The following MCPH1 variants were observed in gnomAD, a reference collection of about 807,000 sequenced individuals.
MCPH1 encodes microcephalin.
Under a neutral mutation model 84.5 loss-of-function variants are expected in MCPH1, and 104 were observed. That is an observed-to-expected ratio of 1.23 (90% CI 1.05 to 1.45). MCPH1 has a LOEUF of 1.45. Ranked by LOEUF, MCPH1 falls within the 40% of genes most tolerant of loss-of-function variation. MCPH1 has a pLI of 0.00. For missense variants in MCPH1, 1,498 were observed against 1,005.7 expected (o/e 1.49, Z -6.62); for synonymous variants, 514 against 366.8 (o/e 1.40, Z -4.58).
chr8:6,610,538 G>T (rs944517108), intron 12 of MCPH1, among the ~76,000 whole-genome samples: 6 of 152,234 alleles, frequency 3.9e-5, no homozygotes, highest in Admixed American at 2.6e-4. Flanking sequence ...TTTCCTTTCT[G>T]CAGTGACAAA....
chr8:6,605,681 A>T (rs568505902), intron 12 of MCPH1, among the ~76,000 whole-genome samples: 1 of 150,012 alleles, frequency 6.7e-6, no homozygotes. Context: ...AGTTCTGTGA[A>T]TCACAGACAT....
At chr8:6,604,720 G>T (rs1157398862) in intron 12 of MCPH1, among the ~76,000 whole-genome samples, 1 of 152,230 alleles carries the variant, frequency 6.6e-6, no homozygotes, top group Admixed American at 6.5e-5. Flanking sequence ...GGCCAGACTG[G>T]TCTCGAATTC....
intron 12 of MCPH1, among the ~76,000 whole-genome samples, chr8:6,555,663 G>C (rs555375213): frequency 6.6e-6 from 1 of 151,870 alleles, no homozygotes; most frequent in African/African-American, 2.4e-5. Flanking sequence ...GGGTTTCATC[G>C]TGTTGGCCAG....
chr8:6,425,972 T>A (rs1302295946), intron 3 of MCPH1, among the ~76,000 whole-genome samples: 1 of 152,196 alleles, frequency 6.6e-6, no homozygotes, highest in Non-Finnish European at 1.5e-5. Context: ...ATAATAGTGG[T>A]AAATCGGTGA....
In MCPH1 at chr8:6,424,123, G is replaced by A. The variant is rs147535960; in HGVS notation, c.234-7376G>A. 1.5e-3 allele frequency among the ~76,000 whole-genome samples: 222 copies of A among 152,106 alleles called. 2 individuals carry two copies. Among genetic ancestry groups the A allele is most frequent in the African/African-American group, 5.1e-3 (210 of 41,480 alleles). On this transcript the variant is annotated intron_variant, in intron 3 of 13. Transcript: ENST00000344683. Reference sequence around the variant, plus strand: ...ATCCCATTCTGTTGGGTTCCTTCTGGGAGTGTTCATTTTAAGATCAGATGG... The same window carrying A: ...ATCCCATTCTGTTGGGTTCCTTCTGAGAGTGTTCATTTTAAGATCAGATGG...
intron 9 of MCPH1, among the ~76,000 whole-genome samples, chr8:6,469,691 A>G (rs1807459288): frequency 6.6e-6 from 1 of 152,246 alleles, no homozygotes; most frequent in South Asian, 2.1e-4. Flanking sequence ...AAAGATTTCA[A>G]AGAATGTTTT....
intron 8 of MCPH1, among the ~76,000 whole-genome samples, chr8:6,451,438 T>G (rs566874842): frequency 6.4e-4 from 97 of 152,366 alleles, no homozygotes; most frequent in Admixed American, 3.9e-4. Flanking sequence ...CAAGATACTT[T>G]ACACACAAGT....
intron 2 of MCPH1, among the ~76,000 whole-genome samples, chr8:6,412,318 C>G (rs1270751559): frequency 6.6e-6 from 1 of 152,226 alleles, no homozygotes; most frequent in Non-Finnish European, 1.5e-5. Flanking sequence ...AGCCGTTAGA[C>G]AAGTGAGTTG....
chr8:6,619,209 A>G (rs564729549), intron 12 of MCPH1: 1 of 152,414 alleles, frequency 6.6e-6, no homozygotes, highest in Admixed American at 6.5e-5. Flanking sequence ...TGTTCTGCCA[A>G]TAAAGAAGAC....
chr8:6,621,338 G>A, intron 12 of MCPH1, 116 bp from the exon 13 acceptor site: 1 of 1,278,618 alleles, frequency 7.8e-7, no homozygotes, highest in South Asian at 1.2e-5. Context: ...GAGCATGGCA[G>A]CCTTACATTC....
intron 12 of MCPH1, among the ~76,000 whole-genome samples, chr8:6,567,883 G>C (rs1406604374): frequency 6.6e-6 from 1 of 152,180 alleles, no homozygotes; most frequent in Admixed American, 6.5e-5. Flanking sequence ...CATTATTACA[G>C]GTTCCCAAAA....
intron 9 of MCPH1, among the ~76,000 whole-genome samples, chr8:6,466,452 C>T (rs527313493): frequency 3.9e-5 from 6 of 152,198 alleles, no homozygotes; most frequent in African/African-American, 9.6e-5. Context: ...GGAGTACAGG[C>T]GCGTGCCACC....
chr8:6,595,426 T>TAAAAGA (rs1227660697), intron 12 of MCPH1, among the ~76,000 whole-genome samples: 1 of 152,152 alleles, frequency 6.6e-6, no homozygotes, highest in Non-Finnish European at 1.5e-5. Flanking sequence ...ATCAGGAAGT[T>TAAAAGA]GGCCAAGTAG....
At chr8:6,500,114 ACCATTGTGC>A in intron 12 of MCPH1, 185 bp downstream of exon 12, 4 of 611,640 alleles carry the variant, frequency 6.5e-6, no homozygotes, top group Admixed American at 5.1e-5. Context: ...AGAACGTGAG[ACCATTGTGC>A]AAAAAGTAGT....
At chr8:6,620,051 T>A (rs1831248983) in intron 12 of MCPH1, 1 of 152,192 alleles carries the variant, frequency 6.6e-6, no homozygotes, top group South Asian at 2.1e-4. Flanking sequence ...TTGCCTTGCA[T>A]CAGCTCAGTC....
intron 9 of MCPH1, among the ~76,000 whole-genome samples, chr8:6,466,599 G>A (rs1218879099): frequency 2.6e-5 from 4 of 152,096 alleles, no homozygotes; most frequent in African/African-American, 9.7e-5. Context: ...GAGCCACCAC[G>A]CGCAGCCCTT....
At chr8:6,535,588 AT>A (rs1458643931) in intron 12 of MCPH1, among the ~76,000 whole-genome samples, 11 of 152,226 alleles carry the variant, frequency 7.2e-5, no homozygotes, top group African/African-American at 2.7e-4. Flanking sequence ...TATATAGCAT[AT>A]ATGTATATAG....
chr8:6,429,199 T>C (rs1468702021), intron 3 of MCPH1, among the ~76,000 whole-genome samples: 1 of 152,192 alleles, frequency 6.6e-6, no homozygotes, highest in Non-Finnish European at 1.5e-5. Context: ...GAACCATGAA[T>C]ATATTTCCTT....
intron 6 of MCPH1, among the ~76,000 whole-genome samples, chr8:6,441,267 C>A (rs888872009): frequency 2.0e-5 from 3 of 152,212 alleles, no homozygotes; most frequent in African/African-American, 7.2e-5. Flanking sequence ...TGTGTATAAA[C>A]TAATTTGCCT....
Sources: allele counts gnomAD v4.1 joint callset (sites outside exome capture counted in the v4.1 genomes callset), GRCh38; gene constraint gnomAD v4.1.1; transcripts MANE v1.5; gene names NCBI Gene and HGNC (gene_info 2026-07-23, HGNC 2026-07-21).